Variants in MEAK7 observed in about 807,000 individuals in gnomAD.
MEAK7 encodes the protein MTOR-associated protein MEAK7.
In MEAK7, 68 loss-of-function variants were observed where a neutral mutation model predicts 40.5. That is an observed-to-expected ratio of 1.68 (90% CI 1.38 to 2.06). The LOEUF (loss-of-function observed/expected upper bound fraction) is 2.06, where lower values mean the gene tolerates loss of function less well. Among genes scored for constraint, MEAK7 ranks in the 30% most tolerant of loss-of-function variants. The pLI is 0.00. For missense variants in MEAK7, 918 were observed against 580.5 expected, an observed-to-expected ratio of 1.58 and a Z score of -5.98; for synonymous variants, 338 against 231.9, an observed-to-expected ratio of 1.46 and a Z score of -4.16.
intron 5 of MEAK7, among the ~76,000 whole-genome samples, chr16:84,485,475 C>G (rs1489434753): frequency 6.6e-6 from 1 of 152,180 alleles, no homozygotes; most frequent in African/African-American, 2.4e-5. Context: ...GCCTTCAGAA[C>G]CTCTGCCTGG....
intron 2 of MEAK7, 106 bp from the exon 3 acceptor site, chr16:84,496,019 A>C: frequency 7.8e-7 from 1 of 1,274,434 alleles, no homozygotes; most frequent in Non-Finnish European, 1.1e-6. Flanking sequence ...GTCCTTGGGA[A>C]GTTTTCGTTT....
chr16:84,485,437 G>A (rs535758133), intron 5 of MEAK7, among the ~76,000 whole-genome samples: 6 of 152,298 alleles, frequency 3.9e-5, no homozygotes, highest in African/African-American at 1.4e-4. Flanking sequence ...TCTCCTGCAA[G>A]GGCAACTCCA....
At position 84,486,758 on chromosome 16, in the gene MEAK7, G is replaced by A. The variant is rs772555161; in HGVS notation, c.831C>T (p.His277=). The A allele has an allele frequency of 6.2e-7, 1 of 1,614,054 alleles. No homozygotes were observed. Among genetic ancestry groups the A allele is most frequent in the South Asian group, 1.1e-5 (1 of 91,076 alleles). ...CLLFSSELHG[H]SFSQLCGHIT... Reference sequence around the variant, plus strand: ...TGTGGCCACAGAGCTGGGAGAAGCTGTGTCCATGGAGCTCAGACGAAAAGA... The same window carrying A: ...TGTGGCCACAGAGCTGGGAGAAGCTATGTCCATGGAGCTCAGACGAAAAGA... The change falls in exon 5 of 8, where the codon CAC becomes CAT. Residue 277 remains histidine (H), a synonymous_variant. Transcript: ENST00000343629.
At chr16:84,492,602 G>A (rs2150638952) in intron 3 of MEAK7, among the ~76,000 whole-genome samples, 1 of 30,006 alleles carries the variant, frequency 3.3e-5, no homozygotes, top group South Asian at 1.5e-3. Flanking sequence ...TATTTTTGGA[G>A]ATGAAGTCTG....
At position 84,498,092 on chromosome 16, in the gene MEAK7, C is replaced by T. The variant is rs1364748792; in HGVS notation, c.-6G>A. 2 of 1,579,300 alleles carry T rather than the reference C, an allele frequency of 1.3e-6. No homozygotes were observed. Among genetic ancestry groups the T allele is most frequent in the African/African-American group, 2.7e-5 (2 of 73,248 alleles). On this transcript the variant is annotated 5_prime_UTR_variant, in exon 2 of 8. Coordinates refer to ENST00000343629, the MANE Select transcript of MEAK7 (RefSeq NM_020947.4). Reference sequence around the variant, plus strand: ...CGGCTTCTGCTGTTCCCCATCTGTCCTGATATCTGGCAGAATTCTCTGCAG... The same window carrying T: ...CGGCTTCTGCTGTTCCCCATCTGTCTTGATATCTGGCAGAATTCTCTGCAG...
rs1567482402 is a variant in MEAK7, at chr16:84,479,402, GGAATT to G, written c.*506_*510del. The G allele has an allele frequency of 5.4e-5, 8 of 147,612 alleles. No homozygotes were observed. In the East Asian group the frequency reaches 1.6e-3, roughly 30 times the overall value. 9.1% of individuals were successfully genotyped at this position (147,612 alleles called of 1,614,324 possible). A position where few individuals can be genotyped will look rare whatever the true frequency, so the allele number is the denominator to read the frequency against. On this transcript the variant is annotated 3_prime_UTR_variant, in exon 8 of 8. Coordinates refer to ENST00000343629, the MANE Select transcript of MEAK7 (RefSeq NM_020947.4). ...AGATCCCAGCAATGCTAATGCCAGC[GGAATT>G]CCCTAATGCCAGCGGAATTCCCTAA...
chr16:84,485,290 A>G (rs1307455437), intron 5 of MEAK7, among the ~76,000 whole-genome samples: 1 of 152,206 alleles, frequency 6.6e-6, no homozygotes, highest in Non-Finnish European at 1.5e-5. Context: ...TAAGATAAAG[A>G]TCTAGAACAT....
chr16:84,488,425 T>A (rs1297707371), intron 4 of MEAK7: 1 of 60,512 alleles, frequency 1.7e-5, no homozygotes. Context: ...TGCCACAAGG[T>A]TTTTTTTTTT....
intron 6 of MEAK7, among the ~76,000 whole-genome samples, chr16:84,481,912 C>A (rs12596818): frequency 6.6e-6 from 1 of 151,834 alleles, no homozygotes; most frequent in Non-Finnish European, 1.5e-5. Context: ...CCAGCCTGGA[C>A]AAGAGTGGAC....
intron 5 of MEAK7, among the ~76,000 whole-genome samples, chr16:84,485,764 C>T (rs772716884): frequency 1.3e-5 from 2 of 152,208 alleles, no homozygotes; most frequent in Non-Finnish European, 2.9e-5. Flanking sequence ...CTCACTGCAA[C>T]TCTGCTTCCG....
At chr16:84,501,366 G>A (rs926740370) in intron 1 of MEAK7, among the ~76,000 whole-genome samples, 3 of 152,026 alleles carry the variant, frequency 2.0e-5, no homozygotes, top group African/African-American at 7.2e-5. Context: ...GCAGAAGGGG[G>A]CCCAGGCCTG....
At chr16:84,480,121 G>A in intron 7 of MEAK7, 95 bp from the exon 8 acceptor site, 1 of 1,021,234 alleles carries the variant, frequency 9.8e-7, no homozygotes, top group East Asian at 2.8e-5. Context: ...GGTGGAATCA[G>A]GCTCCGGTTC....
rs191714532 is a variant in MEAK7 at position 84,479,579 on chromosome 16, C to G, written c.*334G>C. On this transcript the variant is annotated 3_prime_UTR_variant, in exon 8 of 8. Transcript: ENST00000343629. ...GGAATTCCCTAATGCCAGCGGGGGTCTGAAAGGTCTCAGCTGCTTAGGATT... is the reference window on the plus strand; with the variant it reads ...GGAATTCCCTAATGCCAGCGGGGGTGTGAAAGGTCTCAGCTGCTTAGGATT... The G allele has an allele frequency of 3.5e-5, 7 of 199,862 alleles. No individual in the cohort carries two copies. The Admixed American group carries it at 3.6e-4, about 10-fold the overall frequency. 12.4% of individuals were successfully genotyped at this position (199,862 alleles called of 1,614,324 possible).
intron 5 of MEAK7, chr16:84,486,338 C>A (rs1642781739): frequency 1.4e-6 from 1 of 704,096 alleles, no homozygotes; most frequent in Non-Finnish European, 1.9e-6. Context: ...TCTCCTGGTC[C>A]CCTCGGAGGC....
At chr16:84,483,850 G>A (rs542882583) in intron 5 of MEAK7, among the ~76,000 whole-genome samples, 132 of 152,336 alleles carry the variant, frequency 8.7e-4, no homozygotes, top group African/African-American at 3.1e-3. Flanking sequence ...GTACGGAACA[G>A]TGGGGCTTGA....
At chr16:84,503,764 G>A (rs1914680117) in intron 1 of MEAK7, among the ~76,000 whole-genome samples, 1 of 152,082 alleles carries the variant, frequency 6.6e-6, no homozygotes, top group Admixed American at 6.5e-5. Flanking sequence ...GTGATGGAGG[G>A]GTGGACAGGG....
Position 84,477,290 on chromosome 16 carries a change from C to G in MEAK7, c.*2623G>C, listed in dbSNP as rs1026197711. The G allele has an allele frequency of 2.0e-5, 3 of 152,288 alleles. No homozygotes were observed. Among genetic ancestry groups the G allele is most frequent in the African/African-American group, 7.3e-5 (3 of 41,378 alleles). 9.4% of individuals were successfully genotyped at this position (152,288 alleles called of 1,614,324 possible). On this transcript the variant is annotated 3_prime_UTR_variant, in exon 8 of 8. Coordinates refer to ENST00000343629, the MANE Select transcript of MEAK7 (RefSeq NM_020947.4). ...CACCACAACCTCTGCCTCCCTGGTT[C>G]AAGCAATTCTACTACCTCAGCCTCC... is the stretch of plus-strand genomic sequence containing the variant.
intron 3 of MEAK7, among the ~76,000 whole-genome samples, chr16:84,489,679 C>T (rs746780815): frequency 1.3e-5 from 2 of 152,196 alleles, no homozygotes; most frequent in Non-Finnish European, 2.9e-5. Context: ...CGAGGATGGA[C>T]AGCTCCACAA....
At position 84,486,638 on chromosome 16, in the gene MEAK7, C is replaced by G. The variant is rs372560289; in HGVS notation, c.951G>C (p.Gln317His). 6.2e-6 allele frequency: 10 copies of G among 1,604,124 alleles called. No individual in the cohort carries two copies. The highest frequency in any genetic ancestry group is 5.1e-5 in the Admixed American group (3 of 58,434). Reference protein sequence around the residue: ...FASCSWEVKPQFQGDNRCFLF... With the variant: ...FASCSWEVKPHFQGDNRCFLF... ...CAGGACACCAAGTCTTACCTTGAAACTGAGGCTTCACCTCCCAAGAGCAAG... is the reference window on the plus strand; with the variant it reads ...CAGGACACCAAGTCTTACCTTGAAAGTGAGGCTTCACCTCCCAAGAGCAAG... The change falls in exon 5 of 8, where the codon CAG becomes CAC. Residue 317 changes from glutamine to histidine, a missense_variant. Transcript: ENST00000343629.
Sources: allele counts gnomAD v4.1 joint callset (sites outside exome capture counted in the v4.1 genomes callset), GRCh38; gene constraint gnomAD v4.1.1; transcripts MANE v1.5; gene names NCBI Gene and HGNC (gene_info 2026-07-23, HGNC 2026-07-21).